Variants in KCNIP4 observed in about 807,000 individuals in gnomAD.
KCNIP4 encodes the protein Kv channel-interacting protein 4.
Under a neutral mutation model 34.0 loss-of-function variants are expected in KCNIP4, and 12 were observed. That is an observed-to-expected ratio of 0.35 (90% CI 0.23 to 0.57). KCNIP4 has a LOEUF of 0.57. Among genes scored for constraint, KCNIP4 ranks in the 20% least tolerant of loss-of-function variants. The pLI is 0.83. For missense variants in KCNIP4, 238 were observed against 311.7 expected, an observed-to-expected ratio of 0.76 and a Z score of 1.78; for synonymous variants, 124 against 102.2, an observed-to-expected ratio of 1.21 and a Z score of -1.29.
At chr4:21,870,429 A>G (rs1725719279) in intron 1 of KCNIP4, among the ~76,000 whole-genome samples, 1 of 152,136 alleles carries the variant, frequency 6.6e-6, no homozygotes, top group Non-Finnish European at 1.5e-5. Context: ...AGTAACCTTT[A>G]TGTCATAACA....
At chr4:21,560,171 C>T (rs534659959) in intron 1 of KCNIP4, among the ~76,000 whole-genome samples, 31 of 152,078 alleles carry the variant, frequency 2.0e-4, no homozygotes, top group South Asian at 1.5e-3. Context: ...ACTTTACAAG[C>T]GCCTAAATTG....
At chr4:21,930,798 T>C (rs1729519504) in intron 1 of KCNIP4, among the ~76,000 whole-genome samples, 1 of 152,162 alleles carries the variant, frequency 6.6e-6, no homozygotes, top group South Asian at 2.1e-4. Context: ...CATGAAACTT[T>C]GTAGCTGGCT....
At chr4:21,798,402 TAC>T (rs1418924535) in intron 1 of KCNIP4, among the ~76,000 whole-genome samples, 1 of 33,726 alleles carries the variant, frequency 3.0e-5, no homozygotes, top group African/African-American at 1.4e-4. Context: ...CACAAAAAAA[TAC>T]ATATATATAT....
intron 1 of KCNIP4, among the ~76,000 whole-genome samples, chr4:21,414,720 G>A (rs1201825533): frequency 6.6e-6 from 1 of 152,108 alleles, no homozygotes; most frequent in African/African-American, 2.4e-5. Flanking sequence ...AGAAAATGTG[G>A]TACATACAAT....
intron 1 of KCNIP4, among the ~76,000 whole-genome samples, chr4:21,802,099 C>T (rs1216604273): frequency 2.0e-5 from 3 of 151,850 alleles, no homozygotes; most frequent in East Asian, 1.9e-4. Flanking sequence ...TTTTTCTTAA[C>T]CCCAGGCTAC....
In KCNIP4 at chr4:21,782,570, C is replaced by T. The variant is rs547869895; in HGVS notation, c.61+166001G>A. Among the ~76,000 whole-genome samples the T allele has an allele frequency of 1.4e-4, 22 of 152,140 alleles. No homozygotes were observed. The South Asian group carries it at 4.1e-3, about 29-fold the overall frequency. On this transcript the variant is annotated intron_variant, in intron 1 of 8. Transcript: ENST00000382152. ...AAAATTAGCCAGGCATGATGGCATG[C>T]ACCTTTGGTTCCAGCTACTCAGAAG...
At chr4:21,285,868 C>T (rs1763090481) in intron 1 of KCNIP4, among the ~76,000 whole-genome samples, 1 of 152,020 alleles carries the variant, frequency 6.6e-6, no homozygotes, top group Non-Finnish European at 1.5e-5. Flanking sequence ...CATAAATAAA[C>T]AACACAAAAG....
chr4:21,695,698 T>C (rs1424387428), intron 1 of KCNIP4, among the ~76,000 whole-genome samples: 1 of 152,072 alleles, frequency 6.6e-6, no homozygotes, highest in Non-Finnish European at 1.5e-5. Context: ...CAGAATGAGC[T>C]AGACAGGCAG....
At chr4:20,760,312 G>C (rs1299153322) in intron 3 of KCNIP4, among the ~76,000 whole-genome samples, 1 of 152,122 alleles carries the variant, frequency 6.6e-6, no homozygotes, top group Non-Finnish European at 1.5e-5. Context: ...CAACAGACCT[G>C]ACTTTAGACA....
At chr4:21,664,782 TA>T (rs1400883335) in intron 1 of KCNIP4, among the ~76,000 whole-genome samples, 8 of 152,164 alleles carry the variant, frequency 5.3e-5, no homozygotes, top group African/African-American at 1.9e-4. Flanking sequence ...TTTAAATGCC[TA>T]TGGACTATTT....
At chr4:21,255,703 T>G (rs1249536234) in intron 1 of KCNIP4, among the ~76,000 whole-genome samples, 1 of 151,730 alleles carries the variant, frequency 6.6e-6, no homozygotes, top group East Asian at 1.9e-4. Context: ...AGGCAAAACC[T>G]ACTTTGTGTA....
rs1196484177 is a variant in KCNIP4 at position 21,200,412 on chromosome 4, G to GTA, written c.62-317705_62-317704dup. Among the ~76,000 whole-genome samples the GTA allele has an allele frequency of 9.4e-4, 51 of 54,292 alleles. 2 individuals carry two copies. Among genetic ancestry groups the GTA allele is most frequent in the East Asian group, 3.4e-3 (8 of 2,324 alleles). The allele number at this position is 54,292 out of a possible 152,430, so 35.6% of individuals were successfully genotyped here. The stretch of plus-strand genomic sequence containing the variant: ...TATATATATACATACATATATGTGT[G>GTA]TATATATATACATTACATACATCTA... On this transcript the variant is annotated intron_variant, in intron 1 of 8. Coordinates refer to ENST00000382152, the MANE Select transcript of KCNIP4 (RefSeq NM_025221.6).
intron 1 of KCNIP4, among the ~76,000 whole-genome samples, chr4:21,450,547 G>A (rs893592069): frequency 1.3e-5 from 2 of 152,102 alleles, no homozygotes; most frequent in Non-Finnish European, 2.9e-5. Context: ...CATGAAAAAA[G>A]ATGACGAAGT....
At chr4:20,906,106 TTCTCTCTTTC>T (rs1229842125) in intron 1 of KCNIP4, among the ~76,000 whole-genome samples, 1 of 150,186 alleles carries the variant, frequency 6.7e-6, no homozygotes, top group African/African-American at 2.5e-5. Flanking sequence ...TTCTCTCTTT[TTCTCTCTTTC>T]TCTTCCTCTC....
At position 20,755,647 on chromosome 4, in the gene KCNIP4, G is replaced by A. The variant is rs151269361; in HGVS notation, c.358+3174C>T. ...TGGATTGTCTCGAGTGCCGAAAAGA[G>A]ACATAAAGCAGGGGAAGGGGATGGG... On this transcript the variant is annotated intron_variant, in intron 4 of 8. Coordinates refer to ENST00000382152, the MANE Select transcript of KCNIP4 (RefSeq NM_025221.6). Among the ~76,000 whole-genome samples the A allele has an allele frequency of 1.3e-4, 20 of 152,264 alleles. No individual in the cohort carries two copies. The East Asian group carries it at 3.9e-3, about 29-fold the overall frequency.
At chr4:21,285,550 C>T (rs922593516) in intron 1 of KCNIP4, among the ~76,000 whole-genome samples, 3 of 152,050 alleles carry the variant, frequency 2.0e-5, no homozygotes, top group Non-Finnish European at 4.4e-5. Context: ...CAAACAAGGC[C>T]GGGCGTGGTG....
At chr4:21,220,919 T>C (rs1406460146) in intron 1 of KCNIP4, among the ~76,000 whole-genome samples, 1 of 152,108 alleles carries the variant, frequency 6.6e-6, no homozygotes, top group African/African-American at 2.4e-5. Flanking sequence ...TTTCAGAGAT[T>C]CTGGAAAAGC....
intron 1 of KCNIP4, among the ~76,000 whole-genome samples, chr4:20,950,430 G>A (rs1732661574): frequency 6.6e-6 from 1 of 151,980 alleles, no homozygotes; most frequent in Non-Finnish European, 1.5e-5. Context: ...ACTTTTCCTG[G>A]GCAGAATGAA....
At chr4:21,017,603 TG>T (rs1739661996) in intron 1 of KCNIP4, among the ~76,000 whole-genome samples, 1 of 152,208 alleles carries the variant, frequency 6.6e-6, no homozygotes, top group Non-Finnish European at 1.5e-5. Context: ...GATGGGCATT[TG>T]GCTTGATTCC....
Sources: allele counts gnomAD v4.1 joint callset (sites outside exome capture counted in the v4.1 genomes callset), GRCh38; gene constraint gnomAD v4.1.1; transcripts MANE v1.5; gene names NCBI Gene and HGNC (gene_info 2026-07-23, HGNC 2026-07-21).